The following TVP23A variants were observed in gnomAD, a reference collection of about 807,000 sequenced individuals.
The protein encoded by TVP23A is Golgi apparatus membrane protein TVP23 homolog A.
In TVP23A, 21 loss-of-function variants were observed where a neutral mutation model predicts 31.7. The observed-to-expected ratio is 0.66, with a 90% CI of 0.47 to 0.95. The LOEUF is 0.95. Among genes scored for constraint, TVP23A ranks in the 40% least tolerant of loss-of-function variants. The pLI, the probability that TVP23A is intolerant of heterozygous loss-of-function variation, is 0.00. For missense variants in TVP23A, 279 were observed against 255.6 expected, an observed-to-expected ratio of 1.09 and a Z score of -0.62; for synonymous variants, 104 against 96.0, an observed-to-expected ratio of 1.08 and a Z score of -0.49.
chr16:10,771,714 C>T lies in TVP23A; in HGVS notation c.538G>A (p.Gly180Ser), dbSNP rs2142875853. 1 of 1,613,334 alleles carries T rather than the reference C, an allele frequency of 6.2e-7. No individual in the cohort carries two copies. The highest frequency in any genetic ancestry group is 1.1e-5 in the South Asian group (1 of 90,794). The stretch of plus-strand genomic sequence containing the variant: ...GACAGGAAACTGGCTGTGACCTTGC[C>T]AATGTCACTGTTGCCTCCCATCTTA... ...LCKMGGNSDI[G>S]KVTASFLSQT... The change falls in exon 6 of 8, where the codon GGC becomes AGC. Residue 180 changes from glycine to serine, a missense_variant. Physicochemically the swap from Gly to Ser is moderately conservative, Grantham distance 56. Coordinates refer to ENST00000299866, the MANE Select transcript of TVP23A (RefSeq NM_001079512.4).
At chr16:10,759,296 C>T (rs1023257925), downstream of TVP23A, among the ~76,000 whole-genome samples, 4 of 152,078 alleles carry the variant, frequency 2.6e-5, no homozygotes, top group Non-Finnish European at 5.9e-5. This position sits in a 1 kb window ranked among gnomAD's most constrained non-coding sequence, Gnocchi z 4.7. Flanking sequence ...GAAGGGTGTC[C>T]GGGTCAGAAA....
intron 2 of TVP23A, among the ~76,000 whole-genome samples, chr16:10,797,592 G>A (rs762665231): frequency 4.0e-5 from 6 of 151,794 alleles, no homozygotes; most frequent in Non-Finnish European, 8.8e-5. Flanking sequence ...TTAGCCAGGC[G>A]TGGTAGTGCG....
intron 7 of TVP23A, 23 bp downstream of exon 7, chr16:10,770,249 G>A (rs1403464506): frequency 5.0e-5 from 78 of 1,550,254 alleles, no homozygotes; most frequent in Non-Finnish European, 6.2e-5. Context: ...TCCTCCACAC[G>A]GGTGCCATGA....
intron 2 of TVP23A, among the ~76,000 whole-genome samples, chr16:10,805,302 G>A (rs2033892346): frequency 6.6e-6 from 1 of 151,982 alleles, no homozygotes; most frequent in African/African-American, 2.4e-5. Context: ...AAAGTGCTGG[G>A]ATTACAGGTG....
intron 2 of TVP23A, among the ~76,000 whole-genome samples, chr16:10,781,005 A>G (rs991924695): frequency 1.3e-5 from 2 of 152,134 alleles, no homozygotes; most frequent in Non-Finnish European, 2.9e-5. Flanking sequence ...ACAGTATCCA[A>G]CATCCCCAAC....
chr16:10,795,215 A>G (rs1177097043), intron 2 of TVP23A, among the ~76,000 whole-genome samples: 1 of 151,906 alleles, frequency 6.6e-6, no homozygotes, highest in African/African-American at 2.4e-5. Context: ...TTGAGTAGCA[A>G]TAACAATATG....
downstream of TVP23A, among the ~76,000 whole-genome samples, chr16:10,757,529 C>CT (rs571897232): frequency 2.6e-5 from 4 of 152,256 alleles, no homozygotes; most frequent in East Asian, 7.7e-4. This position sits in a 1 kb window ranked among gnomAD's most constrained non-coding sequence, Gnocchi z 4.1. Context: ...AACAGTGTCC[C>CT]TGGCCTTTAC....
At chr16:10,780,088 AAAAT>A (rs1337409499) in intron 2 of TVP23A, among the ~76,000 whole-genome samples, 13 of 119,422 alleles carry the variant, frequency 1.1e-4, no homozygotes, top group African/African-American at 3.8e-4. Flanking sequence ...ACTCCATCTC[AAAAT>A]GAATGAATGA....
chr16:10,785,820 G>C (rs1028636241), intron 2 of TVP23A, among the ~76,000 whole-genome samples: 5 of 152,154 alleles, frequency 3.3e-5, no homozygotes, highest in Admixed American at 2.6e-4. Context: ...GCCCTTTGCA[G>C]CCTCTGATTT....
downstream of TVP23A, among the ~76,000 whole-genome samples, chr16:10,759,707 C>G (rs1450899522): frequency 6.6e-6 from 1 of 152,120 alleles, no homozygotes; most frequent in African/African-American, 2.4e-5. This position sits in a 1 kb window ranked among gnomAD's most constrained non-coding sequence, Gnocchi z 4.7. Flanking sequence ...ATCCAGGAGA[C>G]AGAGGTTGCA....
intron 3 of TVP23A, 65 bp from the exon 4 acceptor site, chr16:10,774,193 T>C: frequency 8.1e-7 from 1 of 1,238,148 alleles, no homozygotes; most frequent in Non-Finnish European, 1.1e-6. Context: ...ACTGTATTGA[T>C]AAACAAAAGT....
intron 2 of TVP23A, among the ~76,000 whole-genome samples, chr16:10,801,488 G>T (rs771913077): frequency 2.6e-5 from 4 of 151,518 alleles, no homozygotes; most frequent in Non-Finnish European, 5.9e-5. Flanking sequence ...CCTGAGTCTC[G>T]CTCTGTCACC....
downstream of TVP23A, chr16:10,761,733 C>T (rs752822396): frequency 2.5e-6 from 4 of 1,577,660 alleles, no homozygotes; most frequent in African/African-American, 1.4e-5. Context: ...ATTATGTTTC[C>T]TCCCCTTTGA....
intron 2 of TVP23A, among the ~76,000 whole-genome samples, chr16:10,812,941 C>T (rs1010965416): frequency 2.0e-5 from 3 of 152,026 alleles, no homozygotes; most frequent in East Asian, 3.8e-4. Context: ...GTTTGCCCAC[C>T]GGGGAAAAAC....
intron 2 of TVP23A, among the ~76,000 whole-genome samples, chr16:10,810,521 T>C (rs935703177): frequency 6.9e-6 from 1 of 144,342 alleles, no homozygotes; most frequent in Non-Finnish European, 1.5e-5. Flanking sequence ...TATTCCAGCC[T>C]GGGTGACAGA....
chr16:10,818,078 T>C lies in TVP23A; in HGVS notation c.89+25A>G. On this transcript the variant is annotated intron_variant, in intron 2 of 7. Coordinates refer to ENST00000299866, the MANE Select transcript of TVP23A (RefSeq NM_001079512.4). This position sits in a 1 kb window ranked among gnomAD's most constrained non-coding sequence, Gnocchi z 4.7. ...TGAATTTGCAGCTTTGGGGAACGCC[T>C]GACCCAAGCTCCATCCCAACACACC... 6.3e-7 allele frequency: 1 copy of C among 1,590,106 alleles called. No homozygotes were observed. Among genetic ancestry groups the C allele is most frequent in the South Asian group, 1.1e-5 (1 of 87,564 alleles).
chr16:10,802,820 T>C (rs192017975), intron 2 of TVP23A, among the ~76,000 whole-genome samples: 1 of 152,348 alleles, frequency 6.6e-6, no homozygotes, highest in East Asian at 1.9e-4. Flanking sequence ...AGTTTTGTCA[T>C]TGCTGTGTGT....
chr16:10,777,899 T>A lies in TVP23A; in HGVS notation c.90-2803A>T, dbSNP rs1215699426. On this transcript the variant is annotated intron_variant, in intron 2 of 7. Transcript: ENST00000299866. This position sits in a 1 kb window ranked among gnomAD's most constrained non-coding sequence, Gnocchi z 4.5. ...GGTGGTGGGCGCCTGTAGTCCCAGC[T>A]ACTCGGGACGCTGAGGCAGGAGAAT... Among the ~76,000 whole-genome samples, 1 of 152,026 alleles carries A rather than the reference T, an allele frequency of 6.6e-6. No individual in the cohort carries two copies. Among genetic ancestry groups the A allele is most frequent in the East Asian group, 1.9e-4 (1 of 5,190 alleles).
At chr16:10,799,772 G>T (rs541950049) in intron 2 of TVP23A, among the ~76,000 whole-genome samples, 1 of 152,280 alleles carries the variant, frequency 6.6e-6, no homozygotes, top group Non-Finnish European at 1.5e-5. Context: ...AGGAGAGTTG[G>T]GGGTGAGTGG....
Sources: gnomAD v4.1 joint callset for allele counts (sites outside exome capture counted in the v4.1 genomes callset) on GRCh38, gnomAD v4.1.1 for gene constraint, Gnocchi (gnomAD v3.1) non-coding constraint, MANE v1.5 for transcripts, NCBI Gene and HGNC (gene_info 2026-07-23, HGNC 2026-07-21) for gene names.